THEMIS: variants seen among roughly 807,000 people sequenced by gnomAD.
THEMIS encodes protein THEMIS.
THEMIS carries 37 observed loss-of-function variants against 52.6 expected under a neutral mutation model. The observed-to-expected ratio is 0.70, with a 90% CI of 0.54 to 0.93. The LOEUF (loss-of-function observed/expected upper bound fraction) is 0.93. Ranked by LOEUF, THEMIS falls within the 40% of genes least tolerant of loss-of-function variation. THEMIS has a pLI of 0.00. For missense variants in THEMIS, 808 were observed against 763.1 expected, an observed-to-expected ratio of 1.06 and a Z score of -0.69; for synonymous variants, 292 against 272.7, an observed-to-expected ratio of 1.07 and a Z score of -0.70.
chr6:127,829,506 G>GC lies in THEMIS; in HGVS notation c.678dup (p.Pro227AlafsTer4), dbSNP rs1384454521. 1 of 1,609,532 alleles carries GC rather than the reference G, an allele frequency of 6.2e-7. No individual in the cohort carries two copies. The highest frequency in any genetic ancestry group is 8.5e-7 in the Non-Finnish European group (1 of 1,178,158). On this transcript the variant is annotated frameshift_variant, in exon 3 of 6. Coordinates refer to ENST00000368248, the MANE Select transcript of THEMIS (RefSeq NM_001010923.3). LOFTEE classifies it high-confidence loss of function. ...ATCACACCTTGAATTTCATAAACAG[G>GC]CTTGAGAATCAGGGTACCATAAAAG...
At chr6:127,882,866 G>A (rs980608403) in intron 1 of THEMIS, among the ~76,000 whole-genome samples, 64 of 151,782 alleles carry the variant, frequency 4.2e-4, no homozygotes, top group East Asian at 1.9e-4. Context: ...ATTTGAGCCC[G>A]AAAAAATTAA....
At chr6:127,777,777 A>C (rs188512228) in intron 4 of THEMIS, among the ~76,000 whole-genome samples, 7 of 152,232 alleles carry the variant, frequency 4.6e-5, no homozygotes, top group East Asian at 3.9e-4. Context: ...TTTGTTTATT[A>C]TTTTTAAAAC....
At chr6:127,824,243 C>T (rs78519860) in intron 3 of THEMIS, among the ~76,000 whole-genome samples, 10,502 of 152,082 alleles carry the variant, frequency 0.069, 386 homozygotes, top group Non-Finnish European at 0.086. Context: ...AGGAGGGAAG[C>T]GTGGAACTGA....
intron 4 of THEMIS, among the ~76,000 whole-genome samples, chr6:127,784,846 G>T (rs1776869369): frequency 6.6e-6 from 1 of 152,064 alleles, no homozygotes; most frequent in African/African-American, 2.4e-5. Flanking sequence ...AGGCCTGTTT[G>T]AGAGGAGATT....
At chr6:127,840,240 C>T (rs1341311492) in intron 2 of THEMIS, among the ~76,000 whole-genome samples, 1 of 152,016 alleles carries the variant, frequency 6.6e-6, no homozygotes, top group East Asian at 1.9e-4. Flanking sequence ...GTTTAAAAGG[C>T]TGTTCATCAC....
At chr6:127,804,259 G>T (rs1360223601) in intron 4 of THEMIS, among the ~76,000 whole-genome samples, 2 of 152,008 alleles carry the variant, frequency 1.3e-5, no homozygotes, top group Admixed American at 6.6e-5. Flanking sequence ...TTCTAAGAAA[G>T]GATTTTAAAA....
At chr6:127,850,578 T>C (rs1335970017) in intron 2 of THEMIS, among the ~76,000 whole-genome samples, 1 of 151,848 alleles carries the variant, frequency 6.6e-6, no homozygotes, top group Non-Finnish European at 1.5e-5. Flanking sequence ...AAATAATGTC[T>C]TTTGCAGCAA....
At chr6:127,852,219 C>G (rs188987781) in intron 2 of THEMIS, among the ~76,000 whole-genome samples, 189 of 151,538 alleles carry the variant, frequency 1.2e-3, no homozygotes, top group African/African-American at 3.8e-3. Context: ...ATACCCCTAC[C>G]ATCAGAGCCT....
intron 4 of THEMIS, among the ~76,000 whole-genome samples, chr6:127,778,733 T>C (rs148135347): frequency 1.7e-3 from 262 of 152,238 alleles, no homozygotes; most frequent in African/African-American, 5.6e-3. Context: ...TGCAGTTTTG[T>C]ATTTTATTTT....
At chr6:127,717,323 C>T (rs941995735) in intron 5 of THEMIS, among the ~76,000 whole-genome samples, 2 of 151,858 alleles carry the variant, frequency 1.3e-5, no homozygotes, top group African/African-American at 4.8e-5. Context: ...AAATGTAAAC[C>T]CAGAAATCTC....
intron 4 of THEMIS, 101 bp downstream of exon 4, chr6:127,812,782 T>A: frequency 8.3e-7 from 1 of 1,207,074 alleles, no homozygotes; most frequent in African/African-American, 1.5e-5. Context: ...AAATATGGCA[T>A]GAAAGAAAGA....
intron 2 of THEMIS, among the ~76,000 whole-genome samples, chr6:127,845,142 C>T (rs1779172561): frequency 1.3e-5 from 2 of 151,584 alleles, no homozygotes; most frequent in South Asian, 4.2e-4. Flanking sequence ...CTTGAGCTTG[C>T]ATTTGCTGAA....
intron 1 of THEMIS, among the ~76,000 whole-genome samples, chr6:127,877,925 T>C (rs1780363617): frequency 6.6e-6 from 1 of 151,812 alleles, no homozygotes; most frequent in Non-Finnish European, 1.5e-5. Context: ...TGTTCAAGAG[T>C]TTTAACCACA....
intron 1 of THEMIS, among the ~76,000 whole-genome samples, chr6:127,858,497 G>A (rs972043509): frequency 5.3e-5 from 8 of 152,028 alleles, no homozygotes; most frequent in Non-Finnish European, 1.0e-4. Context: ...AGCTTAAGTC[G>A]CTAAAACTGG....
intron 2 of THEMIS, among the ~76,000 whole-genome samples, chr6:127,830,964 C>T (rs1480709674): frequency 6.6e-6 from 1 of 152,072 alleles, no homozygotes; most frequent in African/African-American, 2.4e-5. Flanking sequence ...ATTATAAAAC[C>T]CTTGTGGAAA....
intron 4 of THEMIS, among the ~76,000 whole-genome samples, chr6:127,767,971 A>G (rs1776257125): frequency 6.6e-6 from 1 of 152,142 alleles, no homozygotes; most frequent in Admixed American, 6.5e-5. Context: ...TAAAGTCCTT[A>G]TGGGGCATGT....
At chr6:127,715,348 C>G (rs1285584817) in intron 5 of THEMIS, among the ~76,000 whole-genome samples, 3 of 151,816 alleles carry the variant, frequency 2.0e-5, no homozygotes, top group Admixed American at 2.0e-4. Context: ...GTTTTCTAGA[C>G]TTTGGAATAA....
At chr6:127,757,209 A>G (rs995443014) in intron 4 of THEMIS, among the ~76,000 whole-genome samples, 10 of 152,202 alleles carry the variant, frequency 6.6e-5, no homozygotes, top group Non-Finnish European at 1.2e-4. Context: ...ATTAGTCACC[A>G]TCTACAGCGT....
At chr6:127,884,901 T>TATGTGTGCACACACGCATGTGTGC (rs1336821126) in intron 1 of THEMIS, among the ~76,000 whole-genome samples, 2 of 152,128 alleles carry the variant, frequency 1.3e-5, no homozygotes, top group African/African-American at 2.4e-5. Context: ...TGCATGTGTG[T>TATGTGTGCACACACGCATGTGTGC]ATGTGTGCAC....
Sources: gnomAD v4.1 joint callset for allele counts (sites outside exome capture counted in the v4.1 genomes callset) on GRCh38, gnomAD v4.1.1 for gene constraint, MANE v1.5 for transcripts, NCBI Gene and HGNC (gene_info 2026-07-23, HGNC 2026-07-21) for gene names.